Variants in FOXN3 observed in about 807,000 individuals in gnomAD.
FOXN3 encodes forkhead box N3, also known as forkhead box protein N3.
FOXN3 carries 7 observed loss-of-function variants against 38.4 expected under a neutral mutation model. The ratio of observed to expected loss-of-function variants is 0.18; its 90% confidence interval spans 0.10 to 0.34. The LOEUF is 0.34. FOXN3 is among the 10% of genes least tolerant of loss of function. FOXN3 has a pLI of 1.00. For missense variants in FOXN3, 456 were observed against 613.4 expected (o/e 0.74, Z 2.71); for synonymous variants, 230 against 242.2 (o/e 0.95, Z 0.47).
intron 1 of FOXN3, among the ~76,000 whole-genome samples, chr14:89,427,581 G>A (rs1174637859): frequency 6.6e-6 from 1 of 150,528 alleles, no homozygotes; most frequent in Non-Finnish European, 1.5e-5. Context: ...GCCTTCCAAA[G>A]TGCTGGGATT....
At chr14:89,532,317 A>G (rs1460878512) in intron 1 of FOXN3, among the ~76,000 whole-genome samples, 2 of 152,246 alleles carry the variant, frequency 1.3e-5, no homozygotes, top group Non-Finnish European at 2.9e-5. Flanking sequence ...GTCTTCCAAG[A>G]GACATCATCA....
chr14:89,561,320 C>A lies in FOXN3; in HGVS notation c.-15+57708G>T, dbSNP rs527697897. Among the ~76,000 whole-genome samples the A allele has an allele frequency of 2.0e-5, 3 of 152,358 alleles. No individual in the cohort carries two copies. In the South Asian group the frequency reaches 6.2e-4, roughly 32 times the overall value. On this transcript the variant is annotated intron_variant, in intron 1 of 6. Transcript: ENST00000345097. ...CTCCACCTCCCAGGTTGAAGCAATT[C>A]TCTTGCCTCAGCCTCCCAAGTAGCT...
At chr14:89,410,910 A>G (rs113672818) in intron 2 of FOXN3, among the ~76,000 whole-genome samples, 22,696 of 151,400 alleles carry the variant, frequency 0.15, 1,764 homozygotes, top group East Asian at 0.19. Flanking sequence ...AAGAAAAAAG[A>G]AAGAAAAAGA....
intron 1 of FOXN3, among the ~76,000 whole-genome samples, chr14:89,611,720 G>A (rs570721199): frequency 1.3e-5 from 2 of 151,726 alleles, no homozygotes; most frequent in Non-Finnish European, 2.9e-5. Flanking sequence ...GCAGGAGAAC[G>A]GCGTGAACCT....
At chr14:89,252,654 CAAA>C (rs397827971) in intron 4 of FOXN3, among the ~76,000 whole-genome samples, 11 of 93,892 alleles carry the variant, frequency 1.2e-4, no homozygotes, top group Admixed American at 2.4e-4. Flanking sequence ...AACTCTATCT[CAAA>C]AAAAAAAAAA....
intron 1 of FOXN3, among the ~76,000 whole-genome samples, chr14:89,611,386 C>T (rs1361744628): frequency 6.6e-6 from 1 of 152,136 alleles, no homozygotes; most frequent in African/African-American, 2.4e-5. Flanking sequence ...AGACATGCTG[C>T]CAATTATAGC....
intron 4 of FOXN3, among the ~76,000 whole-genome samples, chr14:89,258,374 G>A (rs1041194775): frequency 6.6e-6 from 1 of 152,142 alleles, no homozygotes; most frequent in Non-Finnish European, 1.5e-5. Flanking sequence ...TCTTGGAATG[G>A]GCAAATCTGA....
At chr14:89,431,907 G>A (rs1892167356) in intron 1 of FOXN3, among the ~76,000 whole-genome samples, 1 of 151,990 alleles carries the variant, frequency 6.6e-6, no homozygotes, top group South Asian at 2.1e-4. Flanking sequence ...TACAGACGGG[G>A]TTTCACCATG....
In FOXN3 at chr14:89,277,481, T is replaced by C. The variant is rs142770446; in HGVS notation, c.745+3469A>G. Among the ~76,000 whole-genome samples the C allele has an allele frequency of 2.1e-3, 323 of 152,300 alleles. 2 individuals carry two copies. Among genetic ancestry groups the C allele is most frequent in the African/African-American group, 7.4e-3 (307 of 41,558 alleles). On this transcript the variant is annotated intron_variant, in intron 4 of 5. Coordinates refer to ENST00000557258, the MANE Select transcript of FOXN3 (RefSeq NM_005197.4). ...ATTTAAAATAAAGACTGTGAACTGA[T>C]GAAATGACCAATTATGTTAAGTACC...
rs370860030 is a variant in FOXN3, at chr14:89,345,375, A to C, written c.680+5297T>G. Among the ~76,000 whole-genome samples, 253 of 152,158 alleles carry C rather than the reference A, an allele frequency of 1.7e-3. 2 individuals carry two copies. Among genetic ancestry groups the C allele is most frequent in the African/African-American group, 5.7e-3 (237 of 41,506 alleles). ...CTGCTTTAAAAAAAAAAAAAAGGAA[A>C]GAGAAGTTACAAAGATAGCACAGAA... On this transcript the variant is annotated intron_variant, in intron 3 of 5. Transcript: ENST00000557258.
chr14:89,558,480 G>A (rs574259339), intron 1 of FOXN3, among the ~76,000 whole-genome samples: 14 of 152,262 alleles, frequency 9.2e-5, no homozygotes, highest in Non-Finnish European at 1.2e-4. Flanking sequence ...GCTAAGCACA[G>A]GACCCTCGTT....
chr14:89,195,802 C>A (rs1367304364), intron 4 of FOXN3, among the ~76,000 whole-genome samples: 2 of 152,142 alleles, frequency 1.3e-5, no homozygotes, highest in Non-Finnish European at 2.9e-5. Flanking sequence ...GCAAGTGCCA[C>A]CTTTTAAATT....
chr14:89,464,628 C>A (rs542622151), intron 1 of FOXN3, among the ~76,000 whole-genome samples: 1 of 152,070 alleles, frequency 6.6e-6, no homozygotes, highest in East Asian at 1.9e-4. Flanking sequence ...CCATGTGTCA[C>A]GGGAGGGACC....
At chr14:89,192,302 C>T (rs1887975034) in intron 4 of FOXN3, among the ~76,000 whole-genome samples, 1 of 145,172 alleles carries the variant, frequency 6.9e-6, no homozygotes. Flanking sequence ...ATAAACTATG[C>T]ATACTATTAT....
chr14:89,247,714 T>C (rs1180558797), intron 4 of FOXN3, among the ~76,000 whole-genome samples: 1 of 152,190 alleles, frequency 6.6e-6, no homozygotes, highest in Non-Finnish European at 1.5e-5. Context: ...TACTCTGTTC[T>C]CCACCCTGCA....
intron 4 of FOXN3, among the ~76,000 whole-genome samples, chr14:89,255,843 T>C (rs1182398226): frequency 1.3e-5 from 2 of 152,150 alleles, no homozygotes; most frequent in Non-Finnish European, 2.9e-5. Flanking sequence ...AAGGTCTTCA[T>C]AGGAGTAAGA....
chr14:89,585,646 T>C (rs1895825774), intron 1 of FOXN3, among the ~76,000 whole-genome samples: 2 of 150,252 alleles, frequency 1.3e-5, no homozygotes, highest in African/African-American at 4.9e-5. Context: ...AGATGGATAA[T>C]AATAAAGAAA....
chr14:89,470,218 A>G (rs1175872550), intron 1 of FOXN3, among the ~76,000 whole-genome samples: 1 of 152,222 alleles, frequency 6.6e-6, no homozygotes, highest in Non-Finnish European at 1.5e-5. Flanking sequence ...CTCATCACAC[A>G]TTAGAATTAG....
rs1462233255 is a variant in FOXN3, at chr14:89,160,054, T to C, written c.*2360A>G. Reference sequence around the variant, plus strand: ...CTCGTCCTGGCAGATGGGCTTGGCTTTGGCCCACAGCAGTCCCTTTTTTAA... The same window carrying C: ...CTCGTCCTGGCAGATGGGCTTGGCTCTGGCCCACAGCAGTCCCTTTTTTAA... On this transcript the variant is annotated 3_prime_UTR_variant, in exon 6 of 6. Coordinates refer to ENST00000557258, the MANE Select transcript of FOXN3 (RefSeq NM_005197.4). 1 of 152,226 alleles carries C rather than the reference T, an allele frequency of 6.6e-6. No individual in the cohort carries two copies. Among genetic ancestry groups the C allele is most frequent in the East Asian group, 1.9e-4 (1 of 5,194 alleles). 9.4% of individuals were successfully genotyped at this position (152,226 alleles called of 1,614,324 possible).
Sources: allele counts gnomAD v4.1 joint callset (sites outside exome capture counted in the v4.1 genomes callset), GRCh38; gene constraint gnomAD v4.1.1; transcripts MANE v1.5; gene names NCBI Gene and HGNC (gene_info 2026-07-23, HGNC 2026-07-21).